The following ZC3H7A variants were observed in gnomAD, a reference collection of about 807,000 sequenced individuals.
ZC3H7A encodes zinc finger CCCH-type containing 7A, also known as zinc finger CCCH domain-containing protein 7A.
In ZC3H7A, 44 loss-of-function variants were observed where a neutral mutation model predicts 125.5. The observed-to-expected ratio is 0.35, with a 90% CI of 0.28 to 0.45. The LOEUF (loss-of-function observed/expected upper bound fraction) is 0.45. Ranked by LOEUF, ZC3H7A falls within the 20% of genes least tolerant of loss-of-function variation. ZC3H7A has a pLI of 1.00. For synonymous variants in ZC3H7A, 399 were observed against 391.2 expected (o/e 1.02, Z -0.23); for missense variants, 977 against 1,170.7 (o/e 0.83, Z 2.41).
At chr16:11,790,540 C>T (rs2053332547) in intron 1 of ZC3H7A, among the ~76,000 whole-genome samples, 1 of 152,020 alleles carries the variant, frequency 6.6e-6, no homozygotes, top group South Asian at 2.1e-4. Flanking sequence ...TTGTCGTCGT[C>T]GTTATTATTG....
chr16:11,790,838 T>C (rs1229048656), intron 1 of ZC3H7A, among the ~76,000 whole-genome samples: 2 of 151,624 alleles, frequency 1.3e-5, no homozygotes, highest in Non-Finnish European at 2.9e-5. Flanking sequence ...ATTGCGCCAC[T>C]GCACTCCAGC....
chr16:11,760,138 A>AAAAAAAAAAAG (rs1567374763), intron 19 of ZC3H7A, among the ~76,000 whole-genome samples: 4 of 145,600 alleles, frequency 2.7e-5, no homozygotes, highest in Non-Finnish European at 6.0e-5. Flanking sequence ...AAAAAAAAAA[A>AAAAAAAAAAAG]AAAAAAAGAA....
At chr16:11,772,186 C>T (rs1421389330) in intron 9 of ZC3H7A, among the ~76,000 whole-genome samples, 1 of 141,710 alleles carries the variant, frequency 7.1e-6, no homozygotes, top group Admixed American at 6.8e-5. Flanking sequence ...CAGAGTGAGA[C>T]TCTGTCTCAA....
At chr16:11,768,147 C>T (rs1471683983) in intron 12 of ZC3H7A, among the ~76,000 whole-genome samples, 168 bp downstream of exon 12, 1 of 152,164 alleles carries the variant, frequency 6.6e-6, no homozygotes, top group Non-Finnish European at 1.5e-5. Context: ...TCCTATTATA[C>T]TCCAAAGGCA....
intron 15 of ZC3H7A, 74 bp downstream of exon 15, chr16:11,764,979 T>A: frequency 1.0e-6 from 1 of 1,002,452 alleles, no homozygotes; most frequent in Non-Finnish European, 1.5e-6. Context: ...GGACAGACAT[T>A]ACTACTAGTT....
At chr16:11,757,047 T>C (rs887930782) in intron 20 of ZC3H7A, among the ~76,000 whole-genome samples, 7 of 152,188 alleles carry the variant, frequency 4.6e-5, no homozygotes, top group Admixed American at 3.9e-4. Flanking sequence ...GAGAATTCTT[T>C]GCTGGGGGTA....
At chr16:11,762,549 C>A (rs80284140) in intron 17 of ZC3H7A, 122 bp downstream of exon 17, 6 of 902,610 alleles carry the variant, frequency 6.6e-6, no homozygotes, top group South Asian at 1.6e-5. Flanking sequence ...GAATGACTCA[C>A]CTGAATGAAT....
Position 11,767,496 on chromosome 16 carries a change from A to T in ZC3H7A, c.1443T>A (p.Asn481Lys), listed in dbSNP as rs763605144. The stretch of plus-strand genomic sequence containing the variant: ...TTTTTTTCCATGATTTATCTTCAAC[A>T]TTCTTTATCCTACCGATTAAAATAT... ...KKDILIGRIK[N>K]VEDKSWKKIR... is the part of the protein sequence containing the mutation. The change falls in exon 13 of 23, where the codon AAT becomes AAA. Residue 481 changes from asparagine (N) to lysine (K), a missense_variant. Physicochemically the swap from Asn to Lys is moderately conservative, Grantham distance 94. Around this residue, in one of 3 missense-constraint regions of ZC3H7A, gnomAD observed 342 missense variants for 311.3 expected, o/e 1.10. Transcript: ENST00000355758. 1.9e-6 allele frequency: 3 copies of T among 1,612,450 alleles called. No individual in the cohort carries two copies. In the East Asian group the frequency reaches 6.7e-5, roughly 36 times the overall value.
intron 13 of ZC3H7A, 72 bp downstream of exon 13, chr16:11,767,345 G>T: frequency 9.8e-7 from 1 of 1,022,102 alleles, no homozygotes; most frequent in Non-Finnish European, 1.4e-6. Flanking sequence ...AATGTATCCT[G>T]TCATTAAGCT....
At position 11,793,380 on chromosome 16, in the gene ZC3H7A, A is replaced by C. The variant is rs559119847; in HGVS notation, c.-35+3744T>G. ...GACCCCATCTCTATAAAAATGTTTA[A>C]AAAATTAAATGGGCATGGTGGTGTA... is the stretch of plus-strand genomic sequence containing the variant. On this transcript the variant is annotated intron_variant, in intron 1 of 22. Transcript: ENST00000355758. Among the ~76,000 whole-genome samples, 3 of 152,242 alleles carry C rather than the reference A, an allele frequency of 2.0e-5. No individual in the cohort carries two copies. The South Asian group carries it at 6.2e-4, about 32-fold the overall frequency.
intron 19 of ZC3H7A, among the ~76,000 whole-genome samples, chr16:11,760,138 A>AG (rs1567374761): frequency 6.9e-6 from 1 of 145,592 alleles, no homozygotes; most frequent in African/African-American, 2.5e-5. Flanking sequence ...AAAAAAAAAA[A>AG]AAAAAAAGAA....
intron 16 of ZC3H7A, chr16:11,763,113 G>GTTTT: frequency 5.3e-6 from 1 of 187,298 alleles, no homozygotes; most frequent in Non-Finnish European, 1.1e-5. Context: ...ATTCCTTTTT[G>GTTTT]TTTTTTTTTT....
At chr16:11,776,201 G>T in intron 7 of ZC3H7A, 119 bp downstream of exon 7, 1 of 945,514 alleles carries the variant, frequency 1.1e-6, no homozygotes, top group Non-Finnish European at 1.6e-6. Context: ...TGCCAATTAC[G>T]TGTTTGAGGA....
Position 11,751,353 on chromosome 16 carries a change from A to G in ZC3H7A, c.2880T>C (p.Phe960=), listed in dbSNP as rs1315555433. ...CTTTAAACAAAAAACTATATTTTCC[A>G]AAGTCATTATCATTTGGGCCAATTA... The part of the protein sequence containing the change: ...DHLIGPNDND[F]GKYSFLFKDL... The change falls in exon 23 of 23, where the codon TTT becomes TTC. Residue 960 remains phenylalanine, a synonymous_variant. Coordinates refer to ENST00000355758, the MANE Select transcript of ZC3H7A (RefSeq NM_014153.4). The G allele has an allele frequency of 3.7e-6, 6 of 1,613,122 alleles. No individual in the cohort carries two copies. Among genetic ancestry groups the G allele is most frequent in the East Asian group, 2.2e-5 (1 of 44,874 alleles).
chr16:11,752,548 G>T, intron 22 of ZC3H7A, 121 bp downstream of exon 22: 2 of 1,242,864 alleles, frequency 1.6e-6, no homozygotes, highest in Non-Finnish European at 1.1e-6. Context: ...AATCCTTCAG[G>T]GTCTGTCAGA....
chr16:11,782,322 C>A lies in ZC3H7A; in HGVS notation c.33G>T (p.Arg11Ser). Residue 11 changes from arginine (R) to serine (S), a missense_variant, in exon 2 of 23, where the codon AGG (arginine) becomes AGT (serine). Arg to Ser is a moderately radical substitution (Grantham distance 110, BLOSUM62 -1). This residue lies in a region of ZC3H7A where 199 missense variants were observed against 256.1 expected (regional missense o/e 0.78). Coordinates refer to ENST00000355758, the MANE Select transcript of ZC3H7A (RefSeq NM_014153.4). Reference sequence around the variant, plus strand: ...GCAGTCCTTCCTTAATGTTCTGCTGCCTTTTTCTTCTCTCCTCGGACACAT... The same window carrying A: ...GCAGTCCTTCCTTAATGTTCTGCTGACTTTTTCTTCTCTCCTCGGACACAT... MSNVSEERRK[R>S]QQNIKEGLQF... The A allele has an allele frequency of 6.2e-7, 1 of 1,614,204 alleles. No individual in the cohort carries two copies. Among genetic ancestry groups the A allele is most frequent in the Non-Finnish European group, 8.5e-7 (1 of 1,180,034 alleles).
rs2052922583 is a variant in ZC3H7A, at chr16:11,769,158, G to A, written c.1109-63C>T. On this transcript the variant is annotated intron_variant, in intron 10 of 22. Coordinates refer to ENST00000355758, the MANE Select transcript of ZC3H7A (RefSeq NM_014153.4). ...CTGATCACGTAATAAGAACATCAGGGCTTAGTAGCTTACTGGCTATGGCCT... is the reference window on the plus strand; with the variant it reads ...CTGATCACGTAATAAGAACATCAGGACTTAGTAGCTTACTGGCTATGGCCT... 5 of 1,395,826 alleles carry A rather than the reference G, an allele frequency of 3.6e-6. No homozygotes were observed. The African/African-American group carries it at 4.4e-5, about 12-fold the overall frequency. 86.5% of individuals were successfully genotyped at this position (1,395,826 alleles called of 1,614,324 possible).
intron 7 of ZC3H7A, among the ~76,000 whole-genome samples, chr16:11,775,353 A>G (rs1459446175): frequency 6.6e-6 from 1 of 151,712 alleles, no homozygotes; most frequent in African/African-American, 2.4e-5. Context: ...CCTAGGTGAC[A>G]GAGCGAGACT....
intron 3 of ZC3H7A, among the ~76,000 whole-genome samples, chr16:11,780,276 A>T (rs767186889): frequency 1.3e-5 from 2 of 151,726 alleles, no homozygotes; most frequent in African/African-American, 4.8e-5. Flanking sequence ...ACCTGCCACC[A>T]CACTCGGCTA....
Sources: gnomAD v4.1 joint callset for allele counts (sites outside exome capture counted in the v4.1 genomes callset) on GRCh38, gnomAD v4.1.1 for gene constraint, gnomAD v4.1.1 regional missense constraint, MANE v1.5 for transcripts, NCBI Gene and HGNC (gene_info 2026-07-23, HGNC 2026-07-21) for gene names.